The following GTF2H1 variants were observed in gnomAD, a reference collection of about 807,000 sequenced individuals.
GTF2H1 encodes BTF2 p62.
GTF2H1 carries 16 observed loss-of-function variants against 71.2 expected under a neutral mutation model. That is an observed-to-expected ratio of 0.22 (90% CI 0.15 to 0.34). GTF2H1 has a LOEUF of 0.34. Ranked by LOEUF, GTF2H1 falls within the 10% of genes least tolerant of loss-of-function variation. GTF2H1 has a pLI of 1.00. For synonymous variants in GTF2H1, 215 were observed against 219.0 expected, an observed-to-expected ratio of 0.98 and a Z score of 0.16; for missense variants, 498 against 648.2, an observed-to-expected ratio of 0.77 and a Z score of 2.52.
chr11:18,334,438 C>T (rs1366160887), intron 2 of GTF2H1, among the ~76,000 whole-genome samples: 1 of 152,192 alleles, frequency 6.6e-6, no homozygotes, highest in Non-Finnish European at 1.5e-5. Context: ...ATAGCCTTAG[C>T]TACTAACATT....
At chr11:18,341,237 A>C in intron 5 of GTF2H1, 24 bp from the exon 6 acceptor site, 1 of 1,591,376 alleles carries the variant, frequency 6.3e-7, no homozygotes, top group Non-Finnish European at 8.6e-7. Context: ...TCAGTATATA[A>C]TATTTGTGGG....
chr11:18,347,007 TG>T (rs1199791531), intron 7 of GTF2H1: 1 of 151,268 alleles, frequency 6.6e-6, no homozygotes, highest in Admixed American at 6.6e-5. Flanking sequence ...CCCAGAGTGC[TG>T]GGATTACAGG....
rs146897357 is a variant in GTF2H1, at chr11:18,337,278, A to G, written c.348-831A>G. Reference sequence around the variant, plus strand: ...ACTCCACGTCTACTAAAAAAAATACATATCTATGTATACAAAAATTAGCTG... The same window carrying G: ...ACTCCACGTCTACTAAAAAAAATACGTATCTATGTATACAAAAATTAGCTG... On this transcript the variant is annotated intron_variant, in intron 3 of 14. Transcript: ENST00000265963. 3.0e-3 allele frequency among the ~76,000 whole-genome samples: 457 copies of G among 152,180 alleles called. 1 individual carries two copies. Among genetic ancestry groups the G allele is most frequent in the Admixed American group, 9.0e-3 (137 of 15,272 alleles).
At chr11:18,334,415 C>T (rs144418807) in intron 2 of GTF2H1, among the ~76,000 whole-genome samples, 15 of 152,310 alleles carry the variant, frequency 9.8e-5, no homozygotes, top group African/African-American at 3.6e-4. Flanking sequence ...CTACAAATTT[C>T]TGTTACTAGC....
rs1310558328 is a variant in GTF2H1 at position 18,352,224 on chromosome 11, C to CT, written c.1143-103dup. On this transcript the variant is annotated intron_variant, in intron 10 of 14. Transcript: ENST00000265963. ...ATTGAAATCTCTTTACTTATCGTTTCTTGCCTTGAGGGGAACTTAGTACTG... is the reference window on the plus strand; with the variant it reads ...ATTGAAATCTCTTTACTTATCGTTTCTTTGCCTTGAGGGGAACTTAGTACTG... The CT allele has an allele frequency of 4.6e-6, 3 of 657,912 alleles. No individual in the cohort carries two copies. The Admixed American group carries it at 7.6e-5, about 17-fold the overall frequency. 40.8% of individuals were successfully genotyped at this position (657,912 alleles called of 1,614,324 possible).
chr11:18,359,301 G>T (rs545947476), intron 13 of GTF2H1, among the ~76,000 whole-genome samples: 1 of 152,118 alleles, frequency 6.6e-6, no homozygotes, highest in Non-Finnish European at 1.5e-5. Context: ...ACACTTTGGC[G>T]GGGCTGAGGC....
chr11:18,352,740 TCTC>T (rs746842355), intron 11 of GTF2H1, among the ~76,000 whole-genome samples: 68 of 152,222 alleles, frequency 4.5e-4, no homozygotes, highest in Non-Finnish European at 5.6e-4. Flanking sequence ...TGGACATTAT[TCTC>T]TGAATATTCT....
At chr11:18,339,312 C>T (rs1431516260) in intron 4 of GTF2H1, among the ~76,000 whole-genome samples, 2 of 152,216 alleles carry the variant, frequency 1.3e-5, no homozygotes, top group Non-Finnish European at 2.9e-5. Flanking sequence ...TCTCTGCCTT[C>T]ATACTTAAAC....
At chr11:18,333,386 C>T (rs575981749) in intron 2 of GTF2H1, 158 bp downstream of exon 2, 2 of 519,754 alleles carry the variant, frequency 3.8e-6, no homozygotes, top group Non-Finnish European at 6.6e-6. Context: ...TATAACCTGA[C>T]CTTTTCACTT....
chr11:18,352,256 A>G lies in GTF2H1; in HGVS notation c.1143-73A>G, dbSNP rs936687575. On this transcript the variant is annotated intron_variant, in intron 10 of 14. Transcript: ENST00000265963. Reference sequence around the variant, plus strand: ...TGAGGGGAACTTAGTACTGACTGCTAAAATGTTGCAAAGACAAATGTTGAG... The same window carrying G: ...TGAGGGGAACTTAGTACTGACTGCTGAAATGTTGCAAAGACAAATGTTGAG... The G allele has an allele frequency of 9.4e-6, 7 of 741,382 alleles. No individual in the cohort carries two copies. The African/African-American group carries it at 1.2e-4, about 13-fold the overall frequency. The allele number at this position is 741,382 out of a possible 1,614,324, so 45.9% of individuals were successfully genotyped here. A position where few individuals can be genotyped will look rare whatever the true frequency, so the allele number is the denominator to read the frequency against.
rs1242393267 is a variant in GTF2H1, at chr11:18,360,725, T to G, written c.1560+18T>G. 2.3e-6 allele frequency: 3 copies of G among 1,304,910 alleles called. No homozygotes were observed. The highest frequency in any genetic ancestry group is 3.2e-6 in the Non-Finnish European group (3 of 928,042). 80.8% of individuals were successfully genotyped at this position (1,304,910 alleles called of 1,614,324 possible). On this transcript the variant is annotated intron_variant, in intron 14 of 14. Coordinates refer to ENST00000265963, the MANE Select transcript of GTF2H1 (RefSeq NM_005316.4). ...GCACAAATGTAAGGCAGCAATCTGA[T>G]TTTTGCCTGATCTTCTTTCTCTTTG...
At chr11:18,339,772 A>G in intron 5 of GTF2H1, 115 bp downstream of exon 5, 2 of 637,184 alleles carry the variant, frequency 3.1e-6, no homozygotes, top group Non-Finnish European at 5.4e-6. Flanking sequence ...TATGTAAAGT[A>G]CTTTTTACCC....
At position 18,322,600 on chromosome 11, in the gene GTF2H1, C is replaced by G. The variant is rs1213778223; in HGVS notation, c.-156C>G. The G allele has an allele frequency of 6.6e-6, 1 of 152,234 alleles. No individual in the cohort carries two copies. The allele number at this position is 152,234 out of a possible 1,614,324, so 9.4% of individuals were successfully genotyped here. A position where few individuals can be genotyped will look rare whatever the true frequency, so the allele number is the denominator to read the frequency against. On this transcript the variant is annotated 5_prime_UTR_variant, in exon 1 of 15. Transcript: ENST00000265963. ...CGCAGCCAGCGATGGAGGCGAGACC[C>G]CCTAGTAACAGAGGCGGTGGCTACT...
intron 9 of GTF2H1, 141 bp downstream of exon 9, chr11:18,348,060 A>T (rs1341895288): frequency 1.4e-6 from 1 of 690,692 alleles, no homozygotes; most frequent in Non-Finnish European, 2.6e-6. Context: ...AGTGTATAGC[A>T]TTACAAAGAG....
At chr11:18,327,196 C>G (rs1864787705) in intron 1 of GTF2H1, among the ~76,000 whole-genome samples, 2 of 151,998 alleles carry the variant, frequency 1.3e-5, no homozygotes, top group Admixed American at 1.3e-4. Context: ...TCCTGGGTTA[C>G]CTTTATAAAC....
At chr11:18,326,073 T>C (rs1428295699) in intron 1 of GTF2H1, 1 of 152,188 alleles carries the variant, frequency 6.6e-6, no homozygotes, top group Non-Finnish European at 1.5e-5. Context: ...CCTTGAACAA[T>C]TAAGAGGTGC....
intron 2 of GTF2H1, among the ~76,000 whole-genome samples, chr11:18,334,049 C>G (rs919060854): frequency 6.6e-6 from 1 of 152,164 alleles, no homozygotes; most frequent in South Asian, 2.1e-4. Context: ...TGAGACCAGC[C>G]TGCTCAACAT....
intron 13 of GTF2H1, 136 bp downstream of exon 13, chr11:18,358,776 A>ACC (rs1865628464): frequency 1.7e-6 from 1 of 601,510 alleles, no homozygotes; most frequent in African/African-American, 1.9e-5. Flanking sequence ...TTTCATGTAA[A>ACC]CCTCACAGCA....
chr11:18,340,957 A>G (rs1253038655), intron 5 of GTF2H1, among the ~76,000 whole-genome samples: 3 of 152,194 alleles, frequency 2.0e-5, no homozygotes, highest in Non-Finnish European at 4.4e-5. Context: ...GTGCACATAT[A>G]TAAATGAGCA....
Sources: allele counts gnomAD v4.1 joint callset (sites outside exome capture counted in the v4.1 genomes callset), GRCh38; gene constraint gnomAD v4.1.1; transcripts MANE v1.5; gene names NCBI Gene and HGNC (gene_info 2026-07-23, HGNC 2026-07-21).